Variants in GCLC observed in about 807,000 individuals in gnomAD.
GCLC encodes glutamate--cysteine ligase catalytic subunit.
Under a neutral mutation model 81.5 loss-of-function variants are expected in GCLC, and 30 were observed. The observed-to-expected ratio is 0.37, with a 90% confidence interval of 0.28 to 0.50. The LOEUF is 0.50. Among genes scored for constraint, GCLC ranks in the 20% least tolerant of loss-of-function variants. GCLC has a pLI of 0.96. For missense variants in GCLC, 556 were observed against 777.4 expected (o/e 0.72, Z 3.39); for synonymous variants, 262 against 273.3 (o/e 0.96, Z 0.41).
intron 1 of GCLC, among the ~76,000 whole-genome samples, chr6:53,531,880 G>A (rs1229261288): frequency 1.3e-5 from 2 of 152,120 alleles, no homozygotes; most frequent in East Asian, 3.9e-4. Flanking sequence ...GTAGTCTTTG[G>A]CTTTTAAATC....
chr6:53,515,349 T>C (rs915057931), intron 4 of GCLC, among the ~76,000 whole-genome samples: 2 of 152,280 alleles, frequency 1.3e-5, no homozygotes, highest in Non-Finnish European at 2.9e-5. Flanking sequence ...TCTTTTGACA[T>C]CTGTCATAAT....
intron 1 of GCLC, among the ~76,000 whole-genome samples, chr6:53,531,133 C>T (rs1229235712): frequency 2.0e-5 from 3 of 152,148 alleles, no homozygotes; most frequent in Admixed American, 2.0e-4. Context: ...GTACACTGTA[C>T]CACTCAGGGG....
In GCLC at chr6:53,514,298, GTT is replaced by G; in HGVS notation, c.657_658del (p.Glu219AspfsTer4). 1 of 1,599,002 alleles carries G rather than the reference GTT, an allele frequency of 6.3e-7. No homozygotes were observed. The highest frequency in any genetic ancestry group is 8.6e-7 in the Non-Finnish European group (1 of 1,166,330). On this transcript the variant is annotated frameshift_variant, in exon 6 of 16. Coordinates refer to ENST00000650454, the MANE Select transcript of GCLC (RefSeq NM_001498.4). LOFTEE classifies it high-confidence loss of function. ...TGAAGCTTCATCATCCTCAGTAAATGTTTCTATAAATGGAGATGGTGTATTCT... is the reference window on the plus strand; with the variant it reads ...TGAAGCTTCATCATCCTCAGTAAATGTCTATAAATGGAGATGGTGTATTCT...
intron 3 of GCLC, 60 bp downstream of exon 3, chr6:53,520,718 C>T (rs1218493863): frequency 7.0e-7 from 1 of 1,425,784 alleles, no homozygotes; most frequent in Non-Finnish European, 9.9e-7. Context: ...TCGTGACTTG[C>T]TCTTTTCATT....
chr6:53,509,293 G>T, intron 6 of GCLC, 43 bp from the exon 7 acceptor site: 1 of 1,159,796 alleles, frequency 8.6e-7, no homozygotes, highest in Non-Finnish European at 1.3e-6. Flanking sequence ...GGAATCATTA[G>T]CATGCTCCCC....
chr6:53,514,124 C>T (rs1348623401), intron 6 of GCLC, 80 bp downstream of exon 6: 2 of 1,343,522 alleles, frequency 1.5e-6, no homozygotes, highest in Non-Finnish European at 2.1e-6. Context: ...ATTTTTGGAA[C>T]AGGAAACATG....
At chr6:53,530,218 G>C (rs1210843733) in intron 1 of GCLC, among the ~76,000 whole-genome samples, 2 of 152,188 alleles carry the variant, frequency 1.3e-5, no homozygotes, top group Non-Finnish European at 2.9e-5. Flanking sequence ...AGGGCTTCAA[G>C]ACCTCCAAGT....
rs564113435 is a variant in GCLC, at chr6:53,516,323, G to A, written c.447-101C>T. Reference sequence around the variant, plus strand: ...ACCTGCCAAAGACACCTCATTTCTAGTATCCCCTTTTCAGAGGGCTTTGTG... The same window carrying A: ...ACCTGCCAAAGACACCTCATTTCTAATATCCCCTTTTCAGAGGGCTTTGTG... On this transcript the variant is annotated intron_variant, in intron 3 of 15. Transcript: ENST00000650454. 3 of 775,356 alleles carry A rather than the reference G, an allele frequency of 3.9e-6. No individual in the cohort carries two copies. In the East Asian group the frequency reaches 7.7e-5, roughly 20 times the overall value. The allele number at this position is 775,356 out of a possible 1,614,324, so 48.0% of individuals were successfully genotyped here. A position where few individuals can be genotyped will look rare whatever the true frequency, so the allele number is the denominator to read the frequency against.
chr6:53,509,063 A>C (rs192400856), intron 7 of GCLC, 113 bp downstream of exon 7: 36 of 723,774 alleles, frequency 5.0e-5, no homozygotes, highest in African/African-American at 8.7e-5. Context: ...ATATTAGTCC[A>C]TCTCTGACTG....
intron 1 of GCLC, among the ~76,000 whole-genome samples, chr6:53,529,825 A>G (rs887151476): frequency 6.6e-6 from 1 of 152,240 alleles, no homozygotes; most frequent in African/African-American, 2.4e-5. Flanking sequence ...GGTGAGAATC[A>G]TGGAGAATTT....
chr6:53,516,254 A>G (rs1764869664), intron 3 of GCLC, 32 bp from the exon 4 acceptor site: 5 of 1,349,114 alleles, frequency 3.7e-6, no homozygotes, highest in Non-Finnish European at 5.3e-6. Context: ...AATAGATGGG[A>G]TTTGTTTTCA....
chr6:53,542,046 G>A (rs1033514700), intron 1 of GCLC, among the ~76,000 whole-genome samples: 5 of 152,036 alleles, frequency 3.3e-5, no homozygotes, highest in African/African-American at 1.2e-4. Context: ...TGGTAGAGAT[G>A]GGGTCTCGCT....
At chr6:53,543,487 A>G (rs1486480964) in intron 1 of GCLC, among the ~76,000 whole-genome samples, 3 of 152,204 alleles carry the variant, frequency 2.0e-5, no homozygotes, top group Non-Finnish European at 2.9e-5. Context: ...GATATTCTGC[A>G]CTGGTGTAAC....
At chr6:53,536,789 T>C (rs2397147) in intron 1 of GCLC, among the ~76,000 whole-genome samples, 48,625 of 152,120 alleles carry the variant, frequency 0.32, 8,333 homozygotes, top group Non-Finnish European at 0.39. Flanking sequence ...CATCTGCTAA[T>C]ACCATACTTC....
At chr6:53,538,136 CTTTTTTTTTT>C (rs10588842) in intron 1 of GCLC, among the ~76,000 whole-genome samples, 2,503 of 78,928 alleles carry the variant, frequency 0.032, 104 homozygotes, top group African/African-American at 0.12. Context: ...TTTTTCTTTC[CTTTTTTTTTT>C]TTTTTTTTTT....
chr6:53,499,472 T>C (rs576114140), intron 15 of GCLC, among the ~76,000 whole-genome samples: 1 of 152,298 alleles, frequency 6.6e-6, no homozygotes, highest in South Asian at 2.1e-4. Context: ...CGGCTATCCT[T>C]TGTGACTCCA....
chr6:53,520,147 C>T (rs1158640124), intron 3 of GCLC, among the ~76,000 whole-genome samples: 1 of 152,140 alleles, frequency 6.6e-6, no homozygotes, highest in East Asian at 1.9e-4. Context: ...TATTCATGTA[C>T]CTCATTCTAA....
At chr6:53,520,757 C>A in intron 3 of GCLC, 21 bp downstream of exon 3, 1 of 1,600,256 alleles carries the variant, frequency 6.2e-7, no homozygotes, top group Non-Finnish European at 8.6e-7. Context: ...TCTGCTGGGG[C>A]ATGTTAATAT....
At chr6:53,538,419 C>T (rs897403004) in intron 1 of GCLC, among the ~76,000 whole-genome samples, 2 of 151,604 alleles carry the variant, frequency 1.3e-5, no homozygotes, top group East Asian at 1.9e-4. Context: ...ATCCGCCTCC[C>T]GGGTTCACGC....
Sources: gnomAD v4.1 joint callset for allele counts (sites outside exome capture counted in the v4.1 genomes callset) on GRCh38, gnomAD v4.1.1 for gene constraint, MANE v1.5 for transcripts, NCBI Gene and HGNC (gene_info 2026-07-23, HGNC 2026-07-21) for gene names.